ULK4: variants seen among roughly 807,000 people sequenced by gnomAD.
ULK4 encodes the protein unc-51 like kinase 4.
In ULK4, 133 loss-of-function variants were observed where a neutral mutation model predicts 160.6. The observed-to-expected ratio is 0.83, with a 90% confidence interval of 0.72 to 0.96. ULK4 has a LOEUF of 0.96. Among genes scored for constraint, ULK4 ranks in the 40% least tolerant of loss-of-function variants. The probability of loss-of-function intolerance (pLI) is 0.00; values close to 1 mark genes in which losing one functional copy is unlikely to be tolerated. For synonymous variants in ULK4, 534 were observed against 539.8 expected (o/e 0.99, Z 0.15); for missense variants, 1,580 against 1,499.5 (o/e 1.05, Z -0.89).
In ULK4 at chr3:41,418,347, G is replaced by GC. The variant is rs1194769452; in HGVS notation, c.3493-20084_3493-20083insG. Among the ~76,000 whole-genome samples, 303 of 145,854 alleles carry GC rather than the reference G, an allele frequency of 2.1e-3. 5 individuals carry two copies. Among genetic ancestry groups the GC allele is most frequent in the African/African-American group, 7.0e-3 (277 of 39,414 alleles). ...TACTTTTTTTCTTAATTTGGCGGGG[G>GC]GGGGGGCACGTTTCTAAGCTACACA... is the stretch of plus-strand genomic sequence containing the variant. On this transcript the variant is annotated intron_variant, in intron 34 of 36. Coordinates refer to ENST00000301831, the MANE Select transcript of ULK4 (RefSeq NM_017886.4).
intron 4 of ULK4, among the ~76,000 whole-genome samples, chr3:41,934,252 A>G (rs1352045708): frequency 6.6e-6 from 1 of 152,226 alleles, no homozygotes; most frequent in Non-Finnish European, 1.5e-5. Context: ...ATGACAGTTG[A>G]GTAGCTGCAG....
intron 35 of ULK4, among the ~76,000 whole-genome samples, chr3:41,389,981 G>A (rs1192734220): frequency 6.6e-6 from 1 of 152,088 alleles, no homozygotes; most frequent in African/African-American, 2.4e-5. Context: ...GGTAGAATTC[G>A]GCTGGGAATC....
chr3:41,512,707 A>G (rs534340280), intron 32 of ULK4, among the ~76,000 whole-genome samples: 1 of 152,206 alleles, frequency 6.6e-6, no homozygotes, highest in South Asian at 2.1e-4. Flanking sequence ...GCCAAAAGCA[A>G]TCTATAAATT....
At chr3:41,430,361 T>C (rs2082877274) in intron 34 of ULK4, among the ~76,000 whole-genome samples, 1 of 152,198 alleles carries the variant, frequency 6.6e-6, no homozygotes, top group East Asian at 1.9e-4. Flanking sequence ...ATTCAGAGAC[T>C]GATCCAAAAT....
At chr3:41,789,535 C>T in intron 21 of ULK4, 126 bp downstream of exon 21, 1 of 876,634 alleles carries the variant, frequency 1.1e-6, no homozygotes, top group South Asian at 2.3e-5. Flanking sequence ...AAAGGTTTGG[C>T]AAAGTTCAAA....
At chr3:41,901,326 C>T (rs1698351853) in intron 12 of ULK4, among the ~76,000 whole-genome samples, 1 of 150,492 alleles carries the variant, frequency 6.6e-6, no homozygotes, top group Admixed American at 6.6e-5. Context: ...ACTACAGGCG[C>T]CTGCCACTGT....
At chr3:41,872,808 G>A (rs1697146870) in intron 17 of ULK4, among the ~76,000 whole-genome samples, 2 of 151,994 alleles carry the variant, frequency 1.3e-5, no homozygotes, top group South Asian at 2.1e-4. Context: ...AACTGCAGTT[G>A]AAAAATTATA....
chr3:41,516,915 T>C (rs1233497431), intron 32 of ULK4, among the ~76,000 whole-genome samples: 2 of 152,224 alleles, frequency 1.3e-5, no homozygotes, highest in African/African-American at 4.8e-5. Flanking sequence ...CACATGCCTG[T>C]ATCAAATCAT....
At chr3:41,900,393 A>T (rs1698309676) in intron 13 of ULK4, among the ~76,000 whole-genome samples, 1 of 152,092 alleles carries the variant, frequency 6.6e-6, no homozygotes, top group Non-Finnish European at 1.5e-5. Flanking sequence ...GCATACGGAG[A>T]AACAAAAGGA....
chr3:41,492,664 T>C (rs2084827668), intron 32 of ULK4, among the ~76,000 whole-genome samples: 1 of 151,906 alleles, frequency 6.6e-6, no homozygotes, highest in South Asian at 2.1e-4. Flanking sequence ...CCCATCAGTA[T>C]GCTGTATTCA....
intron 35 of ULK4, among the ~76,000 whole-genome samples, chr3:41,389,467 C>T (rs1383138569): frequency 2.0e-5 from 3 of 152,126 alleles, no homozygotes; most frequent in African/African-American, 7.2e-5. Context: ...AAAGGGAATG[C>T]TTCCAGTTTT....
chr3:41,936,663 C>A (rs1006953509), intron 3 of ULK4, among the ~76,000 whole-genome samples: 6 of 152,040 alleles, frequency 3.9e-5, no homozygotes, highest in African/African-American at 1.4e-4. Context: ...AAGCCAGGCA[C>A]AGAAAGACAA....
chr3:41,821,164 C>G (rs1319075055), intron 18 of ULK4, among the ~76,000 whole-genome samples: 1 of 152,182 alleles, frequency 6.6e-6, no homozygotes, highest in East Asian at 1.9e-4. Flanking sequence ...AACTATCAGT[C>G]TCTTTAGTTG....
intron 17 of ULK4, among the ~76,000 whole-genome samples, chr3:41,842,628 T>TA (rs1420131708): frequency 6.6e-6 from 1 of 152,194 alleles, no homozygotes. Flanking sequence ...GACCATGGGA[T>TA]GTCTACTCCC....
intron 31 of ULK4, among the ~76,000 whole-genome samples, chr3:41,592,928 T>C (rs930431889): frequency 1.3e-5 from 2 of 152,174 alleles, no homozygotes; most frequent in African/African-American, 2.4e-5. Flanking sequence ...TCACTTCCTC[T>C]GGGACATCCT....
chr3:41,678,082 C>A (rs1346064348), intron 29 of ULK4, among the ~76,000 whole-genome samples: 1 of 151,954 alleles, frequency 6.6e-6, no homozygotes, highest in East Asian at 1.9e-4. Flanking sequence ...CCATCACAGG[C>A]TCTCCTGGGT....
intron 35 of ULK4, among the ~76,000 whole-genome samples, chr3:41,295,191 T>C (rs72863428): frequency 0.34 from 30,006 of 88,034 alleles, 8,481 homozygotes; most frequent in African/African-American, 0.48. Flanking sequence ...GGCAAAACAA[T>C]GGAGCAAACA....
chr3:41,539,838 C>T (rs2086633713), intron 32 of ULK4, among the ~76,000 whole-genome samples: 1 of 152,036 alleles, frequency 6.6e-6, no homozygotes. Flanking sequence ...TCACATAATC[C>T]CATGCTTTCA....
rs191596099 is a variant in ULK4, at chr3:41,590,315, T to C, written c.3121-24185A>G. On this transcript the variant is annotated intron_variant, in intron 31 of 36. Coordinates refer to ENST00000301831, the MANE Select transcript of ULK4 (RefSeq NM_017886.4). ...CCGCGCCCGGCCCCCAAATGCAAGT[T>C]TTAAAAATAAAAAAGAAGGGCCTGG... Among the ~76,000 whole-genome samples, 62 of 151,374 alleles carry C rather than the reference T, an allele frequency of 4.1e-4. No individual in the cohort carries two copies. In the East Asian group the frequency reaches 0.012, roughly 29 times the overall value.
Sources: gnomAD v4.1 joint callset for allele counts (sites outside exome capture counted in the v4.1 genomes callset) on GRCh38, gnomAD v4.1.1 for gene constraint, MANE v1.5 for transcripts, NCBI Gene and HGNC (gene_info 2026-07-23, HGNC 2026-07-21) for gene names.